VPS13A: variants seen among roughly 807,000 people sequenced by gnomAD.
VPS13A encodes the protein intermembrane lipid transfer protein VPS13A.
Under a neutral mutation model 390.9 loss-of-function variants are expected in VPS13A, and 264 were observed. The observed-to-expected ratio is 0.68, with a 90% confidence interval of 0.61 to 0.75. The LOEUF (loss-of-function observed/expected upper bound fraction) is 0.75, where lower values mean the gene tolerates loss of function less well. Among genes scored for constraint, VPS13A ranks in the 30% least tolerant of loss-of-function variants. The pLI, the probability that VPS13A is intolerant of heterozygous loss-of-function variation, is 0.00. For missense variants in VPS13A, 3,409 were observed against 3,733.9 expected, an observed-to-expected ratio of 0.91 and a Z score of 2.27; for synonymous variants, 1,231 against 1,227.1, an observed-to-expected ratio of 1.00 and a Z score of -0.07.
At chr9:77,331,968 T>G (rs1830297681) in intron 45 of VPS13A, 42 bp from the exon 46 acceptor site, 1 of 1,375,350 alleles carries the variant, frequency 7.3e-7, no homozygotes, top group Non-Finnish European at 1.0e-6. Flanking sequence ...CTTTAGATTC[T>G]TAGATTAATG....
At chr9:77,291,949 A>G (rs1827695723) in intron 31 of VPS13A, among the ~76,000 whole-genome samples, 1 of 152,120 alleles carries the variant, frequency 6.6e-6, no homozygotes, top group Admixed American at 6.5e-5. Context: ...ATCTGGCCCC[A>G]GGAGAGTTCT....
At chr9:77,200,249 G>A (rs1458078616) in intron 2 of VPS13A, among the ~76,000 whole-genome samples, 1 of 152,122 alleles carries the variant, frequency 6.6e-6, no homozygotes, top group Non-Finnish European at 1.5e-5. Flanking sequence ...CACTTTGGGA[G>A]GTCAAGGCAG....
chr9:77,287,210 A>G (rs1185864849), intron 31 of VPS13A, among the ~76,000 whole-genome samples: 3 of 147,878 alleles, frequency 2.0e-5, no homozygotes, highest in African/African-American at 4.9e-5. Context: ...AATATATTTT[A>G]TATATACATA....
At position 77,417,462 on chromosome 9, in the gene VPS13A, CTTTT is replaced by C. The variant is rs1189498685; in HGVS notation, c.*1459_*1462del. ...ATTCTCAGTAGTTTCCCCCAAAATGCTTTTTTCTTTGCTGAACTTAAATTGAATC... is the reference window on the plus strand; with the variant it reads ...ATTCTCAGTAGTTTCCCCCAAAATGCTTCTTTGCTGAACTTAAATTGAATC... On this transcript the variant is annotated 3_prime_UTR_variant, in exon 72 of 72. Coordinates refer to ENST00000360280, the MANE Select transcript of VPS13A (RefSeq NM_033305.3). 2 of 151,834 alleles carry C rather than the reference CTTTT, an allele frequency of 1.3e-5. No homozygotes were observed. The highest frequency in any genetic ancestry group is 2.9e-5 in the Non-Finnish European group (2 of 67,954). The allele number at this position is 151,834 out of a possible 1,614,324, so 9.4% of individuals were successfully genotyped here.
chr9:77,182,467 G>T (rs1044177894), intron 1 of VPS13A, among the ~76,000 whole-genome samples: 4 of 152,162 alleles, frequency 2.6e-5, no homozygotes, highest in African/African-American at 7.2e-5. Flanking sequence ...TACAGAACCT[G>T]CCCCCAGAGA....
intron 52 of VPS13A, among the ~76,000 whole-genome samples, chr9:77,345,965 A>G (rs1831126575): frequency 6.6e-6 from 1 of 152,092 alleles, no homozygotes; most frequent in South Asian, 2.1e-4. Context: ...AAAAATAATA[A>G]GTTGTTTCTA....
At chr9:77,323,297 A>G in intron 45 of VPS13A, 70 bp downstream of exon 45, 1 of 1,537,996 alleles carries the variant, frequency 6.5e-7, no homozygotes, top group South Asian at 1.1e-5. Flanking sequence ...TAAAAACAAC[A>G]ACAACAAATT....
intron 68 of VPS13A, among the ~76,000 whole-genome samples, chr9:77,402,902 ATAT>A (rs766882237): frequency 2.5e-4 from 38 of 152,342 alleles, no homozygotes; most frequent in Non-Finnish European, 3.7e-4. Flanking sequence ...TTTTGTACAA[ATAT>A]TATTAAATAC....
At chr9:77,275,914 T>G (rs1826637948) in intron 25 of VPS13A, 151 bp from the exon 26 acceptor site, 2 of 848,320 alleles carry the variant, frequency 2.4e-6, no homozygotes, top group Non-Finnish European at 3.6e-6. Flanking sequence ...GTGTGTGTAT[T>G]GTATGTCTGT....
In VPS13A at chr9:77,359,347, A is replaced by C. The variant is rs1437208991; in HGVS notation, c.8050A>C (p.Thr2684Pro). Residue 2684 changes from threonine (T) to proline (P), a missense_variant, in exon 58 of 72, where the codon ACA becomes CCA. Coordinates refer to ENST00000360280, the MANE Select transcript of VPS13A (RefSeq NM_033305.3). ...AACCTTTACAGCACCAAAGCCCTTT[A>C]CAGATGTCAGTATTGTCATGAGATC... ...VTMDSAPKPF[T>P]DVSIVMRSAG... The C allele has an allele frequency of 1.2e-6, 2 of 1,613,524 alleles. No homozygotes were observed. The highest frequency in any genetic ancestry group is 3.3e-5 in the Admixed American group (2 of 60,000).
intron 6 of VPS13A, 83 bp from the exon 7 acceptor site, chr9:77,210,533 T>A: frequency 7.3e-7 from 1 of 1,368,954 alleles, no homozygotes; most frequent in Non-Finnish European, 1.0e-6. Flanking sequence ...TGGGAGCCGC[T>A]GCACATTGAC....
intron 31 of VPS13A, among the ~76,000 whole-genome samples, chr9:77,289,745 T>C (rs1827540583): frequency 6.6e-6 from 1 of 152,116 alleles, no homozygotes; most frequent in Non-Finnish European, 1.5e-5. Context: ...GTAGTTTCTG[T>C]CTATTGTTTG....
chr9:77,241,469 T>G (rs1021748413), intron 19 of VPS13A, among the ~76,000 whole-genome samples: 2 of 150,876 alleles, frequency 1.3e-5, no homozygotes, highest in Non-Finnish European at 2.9e-5. Context: ...ATAAGTACAG[T>G]ATTTTATATT....
At chr9:77,185,817 T>G (rs1212554474) in intron 1 of VPS13A, among the ~76,000 whole-genome samples, 1 of 152,180 alleles carries the variant, frequency 6.6e-6, no homozygotes. Context: ...TTAAAACTAG[T>G]CCAAGTCCAC....
At chr9:77,357,939 ATGT>A in intron 56 of VPS13A, 101 bp downstream of exon 56, 1 of 883,468 alleles carries the variant, frequency 1.1e-6, no homozygotes, top group Non-Finnish European at 1.7e-6. Flanking sequence ...TTCAGTTTCA[ATGT>A]TGTGCTAGCC....
intron 31 of VPS13A, among the ~76,000 whole-genome samples, chr9:77,291,231 C>G (rs1309477865): frequency 8.2e-6 from 1 of 122,636 alleles, no homozygotes; most frequent in Admixed American, 7.7e-5. Context: ...AGGTTGCATG[C>G]TCCTTGTGAG....
intron 35 of VPS13A, among the ~76,000 whole-genome samples, chr9:77,310,473 A>G (rs571773990): frequency 2.0e-5 from 3 of 152,338 alleles, no homozygotes; most frequent in Admixed American, 6.5e-5. Context: ...AGAAATTTCT[A>G]TACCATGGTG....
At chr9:77,300,929 A>G (rs887034222) in intron 33 of VPS13A, among the ~76,000 whole-genome samples, 1 of 152,252 alleles carries the variant, frequency 6.6e-6, no homozygotes, top group African/African-American at 2.4e-5. Context: ...TAAGATGAAC[A>G]TAGTTCCTGC....
chr9:77,303,113 C>A, intron 34 of VPS13A, 51 bp downstream of exon 34: 2 of 1,596,730 alleles, frequency 1.3e-6, no homozygotes, highest in Non-Finnish European at 1.7e-6. Context: ...TTGAAAAATA[C>A]TGCTTGGGGA....
Sources: gnomAD v4.1 joint callset for allele counts (sites outside exome capture counted in the v4.1 genomes callset) on GRCh38, gnomAD v4.1.1 for gene constraint, MANE v1.5 for transcripts, NCBI Gene and HGNC (gene_info 2026-07-23, HGNC 2026-07-21) for gene names.